The following GRID1 variants were observed in gnomAD, a reference collection of about 807,000 sequenced individuals.
The protein encoded by GRID1 is glutamate ionotropic receptor delta type subunit 1.
A neutral mutation model predicts 98.0 loss-of-function variants in GRID1; 28 were observed. The ratio of observed to expected loss-of-function variants is 0.29; its 90% CI spans 0.21 to 0.39. The LOEUF (loss-of-function observed/expected upper bound fraction) is 0.39, where lower values mean the gene tolerates loss of function less well. GRID1 is among the 10% of genes least tolerant of loss of function. The probability of loss-of-function intolerance (pLI) is 1.00; values close to 1 mark genes in which losing one functional copy is unlikely to be tolerated. For synonymous variants in GRID1, 553 were observed against 538.5 expected, an observed-to-expected ratio of 1.03 and a Z score of -0.37; for missense variants, 1,111 against 1,340.5, an observed-to-expected ratio of 0.83 and a Z score of 2.67.
chr10:86,087,088 A>G (rs1213393965), intron 4 of GRID1, among the ~76,000 whole-genome samples: 3 of 152,204 alleles, frequency 2.0e-5, no homozygotes, highest in African/African-American at 7.2e-5. Context: ...ATGTATTTAC[A>G]TGGAAGGCAT....
At chr10:85,727,070 T>G (rs1240260560) in intron 10 of GRID1, among the ~76,000 whole-genome samples, 1 of 152,192 alleles carries the variant, frequency 6.6e-6, no homozygotes, top group East Asian at 1.9e-4. Context: ...GTTGTGGTCA[T>G]GCAGTGGGCT....
chr10:86,345,008 T>A (rs1015870297), intron 2 of GRID1, among the ~76,000 whole-genome samples: 4 of 152,180 alleles, frequency 2.6e-5, no homozygotes, highest in African/African-American at 7.2e-5. Context: ...TTTTTGTGGT[T>A]CCCTGGAGGG....
intron 2 of GRID1, among the ~76,000 whole-genome samples, chr10:86,218,200 A>G (rs891968440): frequency 2.0e-5 from 3 of 151,970 alleles, no homozygotes; most frequent in Non-Finnish European, 2.9e-5. Flanking sequence ...TCATGCACGC[A>G]CCAGCAAAGG....
intron 5 of GRID1, among the ~76,000 whole-genome samples, chr10:85,887,946 C>T (rs942266654): frequency 1.3e-5 from 2 of 152,046 alleles, no homozygotes; most frequent in African/African-American, 4.8e-5. Context: ...CTTTTTCTGC[C>T]CTTCCCATCA....
At chr10:85,881,300 G>C (rs1841917494) in intron 5 of GRID1, among the ~76,000 whole-genome samples, 2 of 152,110 alleles carry the variant, frequency 1.3e-5, no homozygotes, top group African/African-American at 4.8e-5. Flanking sequence ...AACCAAAAAA[G>C]AGCCCACATC....
chr10:86,071,206 C>A (rs964995859), intron 4 of GRID1, among the ~76,000 whole-genome samples: 2 of 152,230 alleles, frequency 1.3e-5, no homozygotes, highest in Admixed American at 6.5e-5. Flanking sequence ...CAACCCATAT[C>A]CAGCCTGTGC....
At chr10:86,276,734 C>G (rs1847276083) in intron 2 of GRID1, among the ~76,000 whole-genome samples, 1 of 152,154 alleles carries the variant, frequency 6.6e-6, no homozygotes, top group Non-Finnish European at 1.5e-5. Context: ...AAGTGTCCCA[C>G]CTGCCTCAAC....
At chr10:85,965,026 A>G (rs1842318590) in intron 4 of GRID1, among the ~76,000 whole-genome samples, 2 of 152,230 alleles carry the variant, frequency 1.3e-5, no homozygotes, top group Admixed American at 1.3e-4. Flanking sequence ...GCCAACAAAC[A>G]TATGAAAAAA....
intron 4 of GRID1, among the ~76,000 whole-genome samples, chr10:86,032,829 T>TAAAAAAAAAAAAAAAA (rs58350170): frequency 9.1e-6 from 1 of 109,884 alleles, no homozygotes; most frequent in Non-Finnish European, 1.8e-5. Context: ...AATAAATACT[T>TAAAAAAAAAAAAAAAA]AAAAAAAAAA....
At chr10:86,084,027 C>CCACT (rs1485828390) in intron 4 of GRID1, among the ~76,000 whole-genome samples, 2 of 152,198 alleles carry the variant, frequency 1.3e-5, no homozygotes, top group East Asian at 3.9e-4. Context: ...TGTTGTGCAT[C>CCACT]CACTCCACAA....
chr10:85,983,818 G>A (rs1750554819), intron 4 of GRID1, among the ~76,000 whole-genome samples: 1 of 152,178 alleles, frequency 6.6e-6, no homozygotes, highest in African/African-American at 2.4e-5. Flanking sequence ...CCCTGGTCAA[G>A]GGAGGGAGGA....
intron 15 of GRID1, among the ~76,000 whole-genome samples, chr10:85,603,647 C>G (rs1298909984): frequency 6.6e-6 from 1 of 152,212 alleles, no homozygotes; most frequent in Non-Finnish European, 1.5e-5. Context: ...TTGGCTTCCC[C>G]GCTGTGAGGT....
intron 8 of GRID1, among the ~76,000 whole-genome samples, chr10:85,753,317 C>T (rs1241582904): frequency 6.6e-6 from 1 of 152,190 alleles, no homozygotes; most frequent in Non-Finnish European, 1.5e-5. Flanking sequence ...ATGTGTGGCA[C>T]ATGGGCAGAC....
intron 4 of GRID1, among the ~76,000 whole-genome samples, chr10:86,132,711 C>T (rs966371707): frequency 6.6e-6 from 1 of 152,238 alleles, no homozygotes; most frequent in African/African-American, 2.4e-5. Flanking sequence ...TTTACCTTTG[C>T]TATAAATGTA....
intron 4 of GRID1, among the ~76,000 whole-genome samples, chr10:85,921,154 C>A (rs1841697984): frequency 6.6e-6 from 1 of 152,226 alleles, no homozygotes; most frequent in Non-Finnish European, 1.5e-5. Flanking sequence ...GTGGTACTGG[C>A]ACATGAGACA....
chr10:85,775,978 C>A (rs1437633554), intron 8 of GRID1, among the ~76,000 whole-genome samples: 2 of 151,678 alleles, frequency 1.3e-5, no homozygotes, highest in African/African-American at 4.9e-5. Flanking sequence ...CAGATTTAAC[C>A]TAATGAATTT....
chr10:86,040,548 T>G (rs993199918), intron 4 of GRID1, among the ~76,000 whole-genome samples: 1 of 146,578 alleles, frequency 6.8e-6, no homozygotes, highest in Admixed American at 6.8e-5. Flanking sequence ...TCATAGAAGT[T>G]GAGAGTAGAA....
chr10:85,615,239 G>T (rs1487351049), intron 14 of GRID1, among the ~76,000 whole-genome samples: 2 of 152,228 alleles, frequency 1.3e-5, no homozygotes, highest in Non-Finnish European at 2.9e-5. Flanking sequence ...CCTCCTGATG[G>T]CTGGGAATGG....
intron 4 of GRID1, among the ~76,000 whole-genome samples, chr10:85,988,595 C>T (rs1180516434): frequency 6.6e-6 from 1 of 152,128 alleles, no homozygotes; most frequent in Non-Finnish European, 1.5e-5. Context: ...TCAAGGTCAC[C>T]GTTGCCCATA....
Sources: gnomAD v4.1 joint callset for allele counts (sites outside exome capture counted in the v4.1 genomes callset) on GRCh38, gnomAD v4.1.1 for gene constraint, MANE v1.5 for transcripts, NCBI Gene and HGNC (gene_info 2026-07-23, HGNC 2026-07-21) for gene names.